Variants in RGS6 observed in about 807,000 individuals in gnomAD.
RGS6 encodes regulator of G-protein signaling 6.
In RGS6, 30 loss-of-function variants were observed where a neutral mutation model predicts 78.5. That is an observed-to-expected ratio of 0.38 (90% CI 0.29 to 0.52). The LOEUF (loss-of-function observed/expected upper bound fraction) is 0.52, where lower values mean the gene tolerates loss of function less well. Among genes scored for constraint, RGS6 ranks in the 20% least tolerant of loss-of-function variants. The pLI, the probability that RGS6 is intolerant of heterozygous loss-of-function variation, is 0.85. For synonymous variants in RGS6, 206 were observed against 206.0 expected, an observed-to-expected ratio of 1.00 and a Z score of 0.00; for missense variants, 495 against 609.7, an observed-to-expected ratio of 0.81 and a Z score of 1.98.
intron 15 of RGS6, among the ~76,000 whole-genome samples, chr14:72,521,345 G>A (rs991817444): frequency 6.6e-5 from 10 of 152,190 alleles, no homozygotes; most frequent in Non-Finnish European, 1.0e-4. Context: ...ATAGTATTCC[G>A]TTGTGTGGAG....
Position 72,496,178 on chromosome 14 carries a change from G to A in RGS6, c.965+916G>A, listed in dbSNP as rs185448329. 2.6e-5 allele frequency among the ~76,000 whole-genome samples: 4 copies of A among 151,992 alleles called. No individual in the cohort carries two copies. In the East Asian group the frequency reaches 5.8e-4, roughly 22 times the overall value. ...AGAAAATGCTCTCTTCCTCCAACCC[G>A]ATTTCACCTTCCAGAAAGAACCTTT... On this transcript the variant is annotated intron_variant, in intron 13 of 17. Coordinates refer to ENST00000553525, the MANE Select transcript of RGS6 (RefSeq NM_001204424.2).
chr14:72,263,874 C>T (rs1316648245), intron 2 of RGS6, among the ~76,000 whole-genome samples: 1 of 152,174 alleles, frequency 6.6e-6, no homozygotes, highest in Admixed American at 6.5e-5. Flanking sequence ...CTAATGTCAC[C>T]CATCTCATGT....
chr14:72,154,009 G>A (rs528477290), intron 2 of RGS6, among the ~76,000 whole-genome samples: 67 of 152,156 alleles, frequency 4.4e-4, no homozygotes, highest in African/African-American at 1.5e-3. Flanking sequence ...TATCTCAACC[G>A]CATAGGACAG....
At chr14:72,505,057 T>G (rs2096782457) in intron 13 of RGS6, among the ~76,000 whole-genome samples, 1 of 151,204 alleles carries the variant, frequency 6.6e-6, no homozygotes, top group South Asian at 2.1e-4. Flanking sequence ...ATTACAGGCG[T>G]GAGCCACTGC....
intron 15 of RGS6, among the ~76,000 whole-genome samples, chr14:72,519,743 T>C (rs2097006453): frequency 6.6e-6 from 1 of 152,222 alleles, no homozygotes; most frequent in Non-Finnish European, 1.5e-5. Context: ...CTTATGTGTA[T>C]GTACGTATGC....
chr14:71,947,147 G>A (rs1291593052), intron 1 of RGS6, among the ~76,000 whole-genome samples: 1 of 152,130 alleles, frequency 6.6e-6, no homozygotes, highest in Non-Finnish European at 1.5e-5. Context: ...TCCATGCCAG[G>A]CTCACTATAC....
rs551133848 is a variant in RGS6 at position 72,297,358 on chromosome 14, GA to G, written c.85-54733del. On this transcript the variant is annotated intron_variant, in intron 2 of 17. Transcript: ENST00000553525. ...ATCTATTAAGTCATTAGATAAACTT[GA>G]AAAGAACCAACATCTTAAGAATATT... 7.9e-3 allele frequency among the ~76,000 whole-genome samples: 1,191 copies of G among 151,674 alleles called. 12 individuals are homozygous for G. Among genetic ancestry groups the G allele is most frequent in the African/African-American group, 0.026 (1,055 of 41,336 alleles).
chr14:72,268,071 T>C (rs1595047939), intron 2 of RGS6, among the ~76,000 whole-genome samples: 1 of 152,342 alleles, frequency 6.6e-6, no homozygotes, highest in East Asian at 1.9e-4. Flanking sequence ...ATTCTACAAA[T>C]GGTTTTTAAG....
intron 6 of RGS6, 136 bp from the exon 7 acceptor site, chr14:72,465,622 G>GTGGGTGGATGGATGGA (rs1555416950): frequency 5.6e-6 from 2 of 355,536 alleles, no homozygotes; most frequent in African/African-American, 2.6e-5. Context: ...GGGTGGATGG[G>GTGGGTGGATGGATGGA]TGGATGGATG....
chr14:72,191,697 A>T (rs945246737), intron 2 of RGS6, among the ~76,000 whole-genome samples: 1 of 152,194 alleles, frequency 6.6e-6, no homozygotes, highest in Non-Finnish European at 1.5e-5. Flanking sequence ...CCCACAGCAC[A>T]TGGGAATTAT....
chr14:72,242,489 T>C (rs796712682), intron 2 of RGS6, among the ~76,000 whole-genome samples: 1 of 152,230 alleles, frequency 6.6e-6, no homozygotes, highest in Admixed American at 6.5e-5. Context: ...TGCATCCCCA[T>C]ACTTTCTATT....
At chr14:72,501,066 G>T (rs1410822304) in intron 13 of RGS6, among the ~76,000 whole-genome samples, 35 of 152,158 alleles carry the variant, frequency 2.3e-4, no homozygotes, top group Admixed American at 2.3e-3. Context: ...CAGTGAGAAT[G>T]CAGGACTCCC....
chr14:72,431,799 G>T (rs2094656150), intron 3 of RGS6, among the ~76,000 whole-genome samples: 1 of 152,104 alleles, frequency 6.6e-6, no homozygotes, highest in Non-Finnish European at 1.5e-5. Context: ...AATTCTCGCT[G>T]GATCTCCCAG....
chr14:72,236,621 A>C (rs2051113367), intron 2 of RGS6, among the ~76,000 whole-genome samples: 1 of 152,350 alleles, frequency 6.6e-6, no homozygotes, highest in Non-Finnish European at 1.5e-5. Context: ...GTCACTTCAC[A>C]CTTGGAAGGT....
At chr14:72,499,898 A>G (rs2096699397) in intron 13 of RGS6, among the ~76,000 whole-genome samples, 1 of 152,098 alleles carries the variant, frequency 6.6e-6, no homozygotes, top group Non-Finnish European at 1.5e-5. Flanking sequence ...CCCTTTCTAA[A>G]TAGAATGATT....
intron 2 of RGS6, among the ~76,000 whole-genome samples, chr14:72,036,132 C>A (rs888597407): frequency 1.3e-5 from 2 of 151,912 alleles, no homozygotes; most frequent in East Asian, 3.9e-4. Context: ...CGTATATAAT[C>A]TTTTGAGACT....
chr14:72,214,709 A>G (rs2045130718), intron 2 of RGS6, among the ~76,000 whole-genome samples: 1 of 152,166 alleles, frequency 6.6e-6, no homozygotes, highest in South Asian at 2.1e-4. Context: ...CTGTGGTCTT[A>G]GCTACTTGGG....
At chr14:72,312,014 C>G (rs969058546) in intron 2 of RGS6, among the ~76,000 whole-genome samples, 2 of 152,096 alleles carry the variant, frequency 1.3e-5, no homozygotes, top group Non-Finnish European at 2.9e-5. Context: ...TTCTGGTAAT[C>G]AGAAAAAGAA....
At chr14:72,359,252 A>C (rs1283411751) in intron 3 of RGS6, among the ~76,000 whole-genome samples, 4 of 152,186 alleles carry the variant, frequency 2.6e-5, no homozygotes, top group African/African-American at 9.7e-5. Context: ...ATTAGCGGAT[A>C]GATCAGATAT....
Sources: gnomAD v4.1 joint callset for allele counts (sites outside exome capture counted in the v4.1 genomes callset) on GRCh38, gnomAD v4.1.1 for gene constraint, MANE v1.5 for transcripts, NCBI Gene and HGNC (gene_info 2026-07-23, HGNC 2026-07-21) for gene names.